The following NOTUM variants were observed in gnomAD, a reference collection of about 807,000 sequenced individuals.
The protein encoded by NOTUM is notum, palmitoleoyl-protein carboxylesterase, also known as palmitoleoyl-protein carboxylesterase NOTUM.
In NOTUM, 36 loss-of-function variants were observed where a neutral mutation model predicts 65.5. The ratio of observed to expected loss-of-function variants is 0.55; its 90% CI spans 0.42 to 0.73. NOTUM has a LOEUF of 0.73. Ranked by LOEUF, NOTUM falls within the 30% of genes least tolerant of loss-of-function variation. The pLI, the probability that NOTUM is intolerant of heterozygous loss-of-function variation, is 0.00. For synonymous variants in NOTUM, 356 were observed against 297.9 expected (o/e 1.20, Z -2.01); for missense variants, 659 against 694.2 (o/e 0.95, Z 0.57).
intron 8 of NOTUM, among the ~76,000 whole-genome samples, chr17:81,956,162 C>T (rs1375988604): frequency 6.6e-6 from 1 of 152,206 alleles, no homozygotes; most frequent in Non-Finnish European, 1.5e-5. Context: ...CTGTTTAACC[C>T]CTCCATGACC....
intron 4 of NOTUM, 93 bp downstream of exon 4, chr17:81,958,842 G>T: frequency 1.0e-6 from 1 of 955,420 alleles, no homozygotes. Context: ...CCCCAGGAAA[G>T]ACCATTTCAG....
Position 81,958,333 on chromosome 17 carries a change from A to C in NOTUM, c.592+2T>G. On this transcript the variant is annotated splice_donor_variant, in intron 5 of 10. Coordinates refer to ENST00000409678, the MANE Select transcript of NOTUM (RefSeq NM_178493.6). LOFTEE classifies it high-confidence loss of function. ...CCATGCCCTGGGAAGGCCGAGACTC[A>C]CTCTTCTCAGACTTGGATGAAGCCC... The C allele has an allele frequency of 6.2e-7, 1 of 1,602,484 alleles. No individual in the cohort carries two copies. Among genetic ancestry groups the C allele is most frequent in the South Asian group, 1.1e-5 (1 of 90,860 alleles).
chr17:81,956,843 A>G, intron 7 of NOTUM, 40 bp downstream of exon 7: 1 of 1,599,234 alleles, frequency 6.3e-7, no homozygotes, highest in African/African-American at 1.3e-5. Context: ...CTTCTGGGGC[A>G]AAGCTGCAGC....
chr17:81,956,736 AC>A lies in NOTUM; in HGVS notation c.901del (p.Val301TrpfsTer44). ...CTGGCGTCGGCAGCGCTCCGGGACCACCCCGTTCCAGTACCTGGAGCCACAG... is the reference window on the plus strand; with the variant it reads ...CTGGCGTCGGCAGCGCTCCGGGACCACCCGTTCCAGTACCTGGAGCCACAG... ...IRRGIRYWNG[V>X]VPERCRRQFQ... On this transcript the variant is annotated frameshift_variant, in exon 8 of 11. Coordinates refer to ENST00000409678, the MANE Select transcript of NOTUM (RefSeq NM_178493.6). LOFTEE classifies it high-confidence loss of function. The A allele has an allele frequency of 6.2e-7, 1 of 1,612,140 alleles. No individual in the cohort carries two copies. Among genetic ancestry groups the A allele is most frequent in the Non-Finnish European group, 8.5e-7 (1 of 1,179,642 alleles).
chr17:81,954,196 G>T, intron 10 of NOTUM, 60 bp downstream of exon 10: 3 of 1,240,914 alleles, frequency 2.4e-6, no homozygotes, highest in Non-Finnish European at 3.6e-6. Context: ...CGGTTGGGGA[G>T]CATGTGGACT....
chr17:81,959,105 T>G, intron 3 of NOTUM, 110 bp from the exon 4 acceptor site: 1 of 926,642 alleles, frequency 1.1e-6, no homozygotes, highest in South Asian at 1.4e-5. Context: ...GGAAGGGAGG[T>G]GTGCTGGTGT....
chr17:81,958,517 C>CCCCTGGAAT, intron 4 of NOTUM, 124 bp from the exon 5 acceptor site: 1 of 698,168 alleles, frequency 1.4e-6, no homozygotes, highest in Non-Finnish European at 2.5e-6. Flanking sequence ...GAAGGACCAT[C>CCCCTGGAAT]CCAGGATAGA....
At chr17:81,957,111 G>C (rs564084591) in intron 6 of NOTUM, 37 bp from the exon 7 acceptor site, 1 of 1,553,162 alleles carries the variant, frequency 6.4e-7, no homozygotes, top group East Asian at 2.3e-5. Context: ...AGGTGGCTGG[G>C]AAGAGGCACT....
chr17:81,955,506 G>A lies in NOTUM; in HGVS notation c.1027C>T (p.Gln343Ter), dbSNP rs1298476516. Residue 343 changes from glutamine (Q) to a stop codon, truncating the protein, a stop_gained, in exon 9 of 11, where the codon CAG (glutamine) becomes TAG (stop). Coordinates refer to ENST00000409678, the MANE Select transcript of NOTUM (RefSeq NM_178493.6). LOFTEE classifies it high-confidence loss of function. ...AGGTGCACGTTGTCCACCGTCAGCT[G>A]TGCCTCGTCAAACAGCCACTGCACC... ...FVVQWLFDEA[Q>*]LTVDNVHLTG... The A allele has an allele frequency of 1.9e-6, 3 of 1,611,540 alleles. No homozygotes were observed. Among genetic ancestry groups the A allele is most frequent in the Non-Finnish European group, 2.5e-6 (3 of 1,179,432 alleles).
chr17:81,959,151 G>A lies in NOTUM; in HGVS notation c.473-156C>T, dbSNP rs1464489871. 6.6e-5 allele frequency: 45 copies of A among 681,768 alleles called. No homozygotes were observed. In the East Asian group the frequency reaches 8.9e-4, roughly 14 times the overall value. The allele number at this position is 681,768 out of a possible 1,614,324, so 42.2% of individuals were successfully genotyped here. A position where few individuals can be genotyped will look rare whatever the true frequency, so the allele number is the denominator to read the frequency against. On this transcript the variant is annotated intron_variant, in intron 3 of 10. Coordinates refer to ENST00000409678, the MANE Select transcript of NOTUM (RefSeq NM_178493.6). The stretch of plus-strand genomic sequence containing the variant: ...AACCAAGGTTGCCGGGAAAGTGGAG[G>A]ACAGTTGGGTTTAGTTACCCCCGGG...
At position 81,957,809 on chromosome 17, in the gene NOTUM, CTCCCGGCCAG is replaced by C. The variant is rs773732473; in HGVS notation, c.682_691del (p.Leu228AlafsTer10). The C allele has an allele frequency of 6.2e-7, 1 of 1,600,176 alleles. No individual in the cohort carries two copies. The highest frequency in any genetic ancestry group is 1.1e-5 in the South Asian group (1 of 88,880). On this transcript the variant is annotated frameshift_variant, in exon 6 of 11. Coordinates refer to ENST00000409678, the MANE Select transcript of NOTUM (RefSeq NM_178493.6). LOFTEE classifies it high-confidence loss of function. ...AGCCCTGCCCCGCCCTGCCCACCTG[CTCCCGGCCAG>C]CAGCAGCACCTTGGCCCCGCTCAGC...
intron 9 of NOTUM, among the ~76,000 whole-genome samples, chr17:81,954,790 T>C (rs762424950): frequency 4.0e-5 from 6 of 151,856 alleles, no homozygotes; most frequent in Non-Finnish European, 7.4e-5. Context: ...ATAATTTCTG[T>C]ATGTGCAGTA....
chr17:81,953,042 C>T lies in NOTUM; in HGVS notation c.1410G>A (p.Met470Ile). Residue 470 changes from methionine (M) to isoleucine (I), a missense_variant, in exon 11 of 11, where the codon ATG (methionine) becomes ATA (isoleucine). Coordinates refer to ENST00000409678, the MANE Select transcript of NOTUM (RefSeq NM_178493.6). ...GGGCCACCGTCTGCATGTCGAAGCC[C>T]ATGTGCATGAGGAACTGGGCCACGT... ...EMNVAQFLMH[M>I]GFDMQTVAQP... 3 of 1,614,070 alleles carry T rather than the reference C, an allele frequency of 1.9e-6. No individual in the cohort carries two copies. The South Asian group carries it at 3.3e-5, about 18-fold the overall frequency.
At chr17:81,959,322 G>A (rs984021881) in intron 3 of NOTUM, 149 bp downstream of exon 3, 3 of 648,860 alleles carry the variant, frequency 4.6e-6, no homozygotes, top group South Asian at 3.8e-5. Context: ...CAAAAGGCAA[G>A]AGTGAAGGGC....
rs1240162486 is a variant in NOTUM, at chr17:81,960,668, G to A, written c.242C>T (p.Ser81Phe). Residue 81 changes from serine (S) to phenylalanine (F), a missense_variant, in exon 1 of 11, where the codon TCC becomes TTC. Coordinates refer to ENST00000409678, the MANE Select transcript of NOTUM (RefSeq NM_178493.6). The surrounding 1 kb of genome is among the most constrained non-coding windows in gnomAD (Gnocchi z 6.4). ...CAGGTCCTCGTTGAGCTGCTGCGCG[G>A]AGCAGGGGTACAGGGACTGCGCCAG... ...KSLAQSLYPC[S>F]AQQLNEDLRL... 3 of 1,594,272 alleles carry A rather than the reference G, an allele frequency of 1.9e-6. No homozygotes were observed. The highest frequency in any genetic ancestry group is 1.7e-6 in the Non-Finnish European group (2 of 1,170,714).
At position 81,957,923 on chromosome 17, in the gene NOTUM, G is replaced by A. The variant is rs748578568; in HGVS notation, c.593-15C>T. On this transcript the variant is annotated splice_polypyrimidine_tract_variant and intron_variant, in intron 5 of 10. Transcript: ENST00000409678. ...GGCGTACTCGTCTGCAAGAGGGAGG[G>A]GGTGGCCTCAGGTAGGGGCCTGGAC... is the stretch of plus-strand genomic sequence containing the variant. 6.4e-6 allele frequency: 10 copies of A among 1,573,852 alleles called. No homozygotes were observed. The highest frequency in any genetic ancestry group is 1.4e-5 in the African/African-American group (1 of 73,824).
At chr17:81,954,417 C>A (rs2041412808) in intron 9 of NOTUM, 114 bp from the exon 10 acceptor site, 4 of 715,430 alleles carry the variant, frequency 5.6e-6, no homozygotes, top group Non-Finnish European at 9.6e-6. Flanking sequence ...GTTGCTATGG[C>A]TGCCAGCTGT....
chr17:81,957,674 C>T, intron 6 of NOTUM, 132 bp downstream of exon 6: 1 of 664,232 alleles, frequency 1.5e-6, no homozygotes, highest in Non-Finnish European at 2.7e-6. Flanking sequence ...TCTCACCCTC[C>T]TAGCCACCTG....
intron 2 of NOTUM, 26 bp downstream of exon 2, chr17:81,959,614 T>TC (rs2041458911): frequency 1.3e-6 from 2 of 1,540,204 alleles, no homozygotes; most frequent in Admixed American, 3.9e-5. Context: ...ACCCCCGGCC[T>TC]CCCCCCGCCT....
Sources: allele counts gnomAD v4.1 joint callset (sites outside exome capture counted in the v4.1 genomes callset), GRCh38; gene constraint gnomAD v4.1.1; non-coding constraint Gnocchi (gnomAD v3.1); transcripts MANE v1.5; gene names NCBI Gene and HGNC (gene_info 2026-07-23, HGNC 2026-07-21).